The following MYH13 variants were observed in gnomAD, a reference collection of about 807,000 sequenced individuals.
The protein encoded by MYH13 is myosin heavy chain 13, also known as myosin-13.
MYH13 carries 177 observed loss-of-function variants against 232.1 expected under a neutral mutation model. That is an observed-to-expected ratio of 0.76 (90% CI 0.67 to 0.86). MYH13 has a LOEUF of 0.86. Ranked by LOEUF, MYH13 falls within the 40% of genes least tolerant of loss-of-function variation. The pLI, the probability that MYH13 is intolerant of heterozygous loss-of-function variation, is 0.00. For synonymous variants in MYH13, 884 were observed against 923.5 expected, an observed-to-expected ratio of 0.96 and a Z score of 0.78; for missense variants, 2,246 against 2,405.9, an observed-to-expected ratio of 0.93 and a Z score of 1.39.
intron 16 of MYH13, among the ~76,000 whole-genome samples, chr17:10,343,470 G>A (rs1260426133): frequency 6.6e-6 from 1 of 152,180 alleles, no homozygotes; most frequent in African/African-American, 2.4e-5. Context: ...AAAGAGCTGG[G>A]ATTACAGGCC....
chr17:10,306,836 G>T lies in MYH13; in HGVS notation c.5295+103C>A, dbSNP rs1458368679. 5.7e-6 allele frequency: 9 copies of T among 1,578,394 alleles called. No individual in the cohort carries two copies. The stretch of plus-strand genomic sequence containing the variant: ...TCTGTCTGGGAAGCCACCACTAACC[G>T]ATTGTTGTCATAAGAGATGAAACAT... On this transcript the variant is annotated intron_variant, in intron 36 of 40. Transcript: ENST00000252172. The surrounding 1 kb of genome is among the most constrained non-coding windows in gnomAD (Gnocchi z 4.3).
chr17:10,332,490 A>G (rs1907444087), intron 19 of MYH13, among the ~76,000 whole-genome samples: 1 of 152,124 alleles, frequency 6.6e-6, no homozygotes, highest in Admixed American at 6.5e-5. Context: ...TTCAGAGGAA[A>G]TGGTTCTTCT....
intron 7 of MYH13, 127 bp from the exon 8 acceptor site, chr17:10,357,954 T>A: frequency 1.3e-6 from 1 of 756,476 alleles, no homozygotes. Flanking sequence ...CACCTGGTGG[T>A]CAGTGCAGCA....
intron 29 of MYH13, 21 bp downstream of exon 29, chr17:10,315,672 A>G (rs767324151): frequency 1.9e-6 from 3 of 1,606,006 alleles, no homozygotes; most frequent in Admixed American, 3.4e-5. Flanking sequence ...TCTCAGGTTC[A>G]ATCTGACTCT....
chr17:10,342,350 C>T (rs932226345), intron 16 of MYH13, among the ~76,000 whole-genome samples: 1 of 152,128 alleles, frequency 6.6e-6, no homozygotes, highest in Non-Finnish European at 1.5e-5. Flanking sequence ...TAAGCCACCA[C>T]GCCTGGCCCC....
In MYH13 at chr17:10,350,643, T is replaced by C. The variant is rs549301178; in HGVS notation, c.1057A>G (p.Lys353Glu). The C allele has an allele frequency of 1.9e-6, 3 of 1,613,832 alleles. No individual in the cohort carries two copies. Among genetic ancestry groups the C allele is most frequent in the Admixed American group, 3.3e-5 (2 of 59,966 alleles). The change falls in exon 12 of 41, where the codon AAA (lysine) becomes GAA (glutamate). Residue 353 changes from lysine (K) to glutamate (E), a missense_variant. By Grantham distance (56) the Lys-to-Glu change is moderately conservative. Transcript: ENST00000252172. ...TAATGCATCACGGCTCCCGTCAGTT[T>C]GTAGATCCCGACTTTCTCCTCTGAG... is the stretch of plus-strand genomic sequence containing the variant. Reference protein sequence around the residue: ...FSSEEKVGIYKLTGAVMHYGN... With the variant: ...FSSEEKVGIYELTGAVMHYGN...
At chr17:10,309,000 A>C (rs1166403166) in intron 35 of MYH13, among the ~76,000 whole-genome samples, 1 of 152,248 alleles carries the variant, frequency 6.6e-6, no homozygotes, top group Non-Finnish European at 1.5e-5. Flanking sequence ...CACAACGTGC[A>C]AGATGTTTAA....
At chr17:10,301,088 G>T (rs1906071962) in intron 40 of MYH13, 123 bp from the exon 41 acceptor site, 4 of 899,288 alleles carry the variant, frequency 4.4e-6, no homozygotes, top group South Asian at 4.4e-5. Context: ...GAATGGCGTT[G>T]TTTCCCTTTG....
At position 10,355,151 on chromosome 17, in the gene MYH13, T is replaced by C; in HGVS notation, c.739-4A>G. ...AATGAATCCGAATGAACTTCCCCTG[T>C]CCAATAACAGGTGGACAAATGTTAC... On this transcript the variant is annotated splice_region_variant and splice_polypyrimidine_tract_variant and intron_variant, in intron 8 of 40. Coordinates refer to ENST00000252172, the MANE Select transcript of MYH13 (RefSeq NM_003802.3). 1 of 1,569,738 alleles carries C rather than the reference T, an allele frequency of 6.4e-7. No individual in the cohort carries two copies.
intron 23 of MYH13, among the ~76,000 whole-genome samples, chr17:10,323,764 CAAAAAA>C (rs756659634): frequency 6.5e-4 from 59 of 90,230 alleles, no homozygotes; most frequent in African/African-American, 2.1e-3. Flanking sequence ...CTCCATCTCA[CAAAAAA>C]AAAAAAAAAA....
chr17:10,363,610 C>T (rs548167194), intron 3 of MYH13, among the ~76,000 whole-genome samples: 50 of 152,202 alleles, frequency 3.3e-4, no homozygotes, highest in African/African-American at 1.1e-3. Context: ...AATAAATCCT[C>T]CAGGGAGGCT....
intron 2 of MYH13, among the ~76,000 whole-genome samples, chr17:10,367,955 C>A (rs769961870): frequency 6.6e-5 from 10 of 152,130 alleles, no homozygotes; most frequent in Admixed American, 5.2e-4. Flanking sequence ...AGTTGCAATG[C>A]GGAATCTGAA....
At chr17:10,346,472 A>C (rs2071667169) in intron 13 of MYH13, among the ~76,000 whole-genome samples, 1 of 152,216 alleles carries the variant, frequency 6.6e-6, no homozygotes, top group South Asian at 2.1e-4. Context: ...AGGGCTCTTC[A>C]CTTTCTAATT....
At chr17:10,318,080 A>C (rs1906780650) in intron 27 of MYH13, among the ~76,000 whole-genome samples, 1 of 152,128 alleles carries the variant, frequency 6.6e-6, no homozygotes, top group South Asian at 2.1e-4. Context: ...CAACTCTACC[A>C]AAAATACAAA....
intron 35 of MYH13, 56 bp from the exon 36 acceptor site, chr17:10,307,120 T>G (rs1407988077): frequency 2.8e-5 from 44 of 1,590,000 alleles, no homozygotes; most frequent in Non-Finnish European, 3.8e-5. Context: ...CTTAAAAAAA[T>G]TGGGAGAGGG....
chr17:10,306,149 A>G lies in MYH13; in HGVS notation c.5466+310T>C, dbSNP rs1288571287. ...TATGTGCGTGCATCTGAATCTGCAT[A>G]GCAAATGGAATGTGAACATTAACAT... On this transcript the variant is annotated intron_variant, in intron 37 of 40. Coordinates refer to ENST00000252172, the MANE Select transcript of MYH13 (RefSeq NM_003802.3). This position sits in a 1 kb window ranked among gnomAD's most constrained non-coding sequence, Gnocchi z 4.3. 1.3e-5 allele frequency among the ~76,000 whole-genome samples: 2 copies of G among 152,056 alleles called. No individual in the cohort carries two copies. Among genetic ancestry groups the G allele is most frequent in the Non-Finnish European group, 2.9e-5 (2 of 68,024 alleles).
At chr17:10,301,082 G>A in intron 40 of MYH13, 117 bp from the exon 41 acceptor site, 3 of 950,944 alleles carry the variant, frequency 3.2e-6, no homozygotes, top group South Asian at 1.4e-5. Flanking sequence ...ATTAAGGAAT[G>A]GCGTTGTTTC....
intron 1 of MYH13, among the ~76,000 whole-genome samples, chr17:10,372,534 T>C (rs2142155921): frequency 6.6e-6 from 1 of 152,306 alleles, no homozygotes; most frequent in Non-Finnish European, 1.5e-5. Context: ...GTAAGATGCT[T>C]GGGATTATTT....
chr17:10,328,123 T>G lies in MYH13; in HGVS notation c.2436-2A>C, dbSNP rs374738990. 1.2e-6 allele frequency: 2 copies of G among 1,613,184 alleles called. No homozygotes were observed. The highest frequency in any genetic ancestry group is 2.7e-5 in the African/African-American group (2 of 74,874). On this transcript the variant is annotated splice_acceptor_variant, in intron 21 of 40. Transcript: ENST00000252172. LOFTEE classifies it high-confidence loss of function. Reference sequence around the variant, plus strand: ...TACTGGATGCAGAAGATGGAGTCCCTGTACACCCATTAGGACTCAAATTAA... The same window carrying G: ...TACTGGATGCAGAAGATGGAGTCCCGGTACACCCATTAGGACTCAAATTAA...
Sources: allele counts gnomAD v4.1 joint callset (sites outside exome capture counted in the v4.1 genomes callset), GRCh38; gene constraint gnomAD v4.1.1; non-coding constraint Gnocchi (gnomAD v3.1); transcripts MANE v1.5; gene names NCBI Gene and HGNC (gene_info 2026-07-23, HGNC 2026-07-21).